The following GALNT17 variants were observed in gnomAD, a reference collection of about 807,000 sequenced individuals.
GALNT17 encodes the protein UDP-GalNAc:polypeptide N-acetylgalactosaminyltransferase-like 3.
In GALNT17, 29 loss-of-function variants were observed where a neutral mutation model predicts 63.7. The observed-to-expected ratio is 0.46, with a 90% CI of 0.34 to 0.62. The LOEUF (loss-of-function observed/expected upper bound fraction) is 0.62. Ranked by LOEUF, GALNT17 falls within the 20% of genes least tolerant of loss-of-function variation. The probability of loss-of-function intolerance (pLI) is 0.01; values close to 1 mark genes in which losing one functional copy is unlikely to be tolerated. For synonymous variants in GALNT17, 305 were observed against 318.3 expected (o/e 0.96, Z 0.45); for missense variants, 603 against 799.6 (o/e 0.75, Z 2.97).
At chr7:71,360,504 G>A (rs916932272) in intron 2 of GALNT17, among the ~76,000 whole-genome samples, 4 of 152,194 alleles carry the variant, frequency 2.6e-5, no homozygotes, top group Admixed American at 6.5e-5. Context: ...TACAAGCCAC[G>A]ACAAACTGGC....
chr7:71,608,530 A>G (rs530028198), intron 6 of GALNT17, among the ~76,000 whole-genome samples: 1 of 152,320 alleles, frequency 6.6e-6, no homozygotes, highest in East Asian at 1.9e-4. Flanking sequence ...GTACCATCAT[A>G]TAATTTTGAG....
At chr7:71,583,122 G>C (rs1423934341) in intron 6 of GALNT17, among the ~76,000 whole-genome samples, 3 of 152,098 alleles carry the variant, frequency 2.0e-5, no homozygotes, top group Non-Finnish European at 4.4e-5. Context: ...GCCAGTATGT[G>C]GGTTTCTGAA....
chr7:71,410,040 A>G (rs1180257640), intron 3 of GALNT17, among the ~76,000 whole-genome samples: 2 of 152,138 alleles, frequency 1.3e-5, no homozygotes, highest in African/African-American at 4.8e-5. Flanking sequence ...GAATATCTCA[A>G]AGGGAAAACT....
At chr7:71,165,970 A>G (rs1425200722) in intron 1 of GALNT17, among the ~76,000 whole-genome samples, 1 of 150,838 alleles carries the variant, frequency 6.6e-6, no homozygotes, top group African/African-American at 2.4e-5. Flanking sequence ...TCCTCCTTAA[A>G]CTCTCTTCAC....
At chr7:71,268,884 ATGGCTTC>A (rs1790537631) in intron 1 of GALNT17, among the ~76,000 whole-genome samples, 1 of 152,096 alleles carries the variant, frequency 6.6e-6, no homozygotes, top group Non-Finnish European at 1.5e-5. Flanking sequence ...AGTGGCCTAC[ATGGCTTC>A]TTCTAGCATG....
chr7:71,164,980 A>T (rs1161235572), intron 1 of GALNT17, among the ~76,000 whole-genome samples: 1 of 152,228 alleles, frequency 6.6e-6, no homozygotes, highest in African/African-American at 2.4e-5. Context: ...AGTCTCTGAA[A>T]GAAATCAATA....
chr7:71,531,728 T>G (rs978333835), intron 5 of GALNT17, among the ~76,000 whole-genome samples: 1 of 152,182 alleles, frequency 6.6e-6, no homozygotes, highest in Non-Finnish European at 1.5e-5. Flanking sequence ...TAGCTGGGAC[T>G]ACAGGCATGT....
At position 71,639,714 on chromosome 7, in the gene GALNT17, A is replaced by G. The variant is rs987205903; in HGVS notation, c.1081-25697A>G. On this transcript the variant is annotated intron_variant, in intron 6 of 10. Coordinates refer to ENST00000333538, the MANE Select transcript of GALNT17 (RefSeq NM_022479.3). ...GCTGTGCGAACATGCACAAAATCCT[A>G]TTATCTACTGTATATATTGAAAAGC... 2.6e-5 allele frequency among the ~76,000 whole-genome samples: 4 copies of G among 152,160 alleles called. No homozygotes were observed. In the East Asian group the frequency reaches 5.8e-4, roughly 22 times the overall value.
intron 1 of GALNT17, among the ~76,000 whole-genome samples, chr7:71,275,591 G>T (rs772418976): frequency 9.2e-5 from 14 of 152,170 alleles, no homozygotes; most frequent in African/African-American, 3.4e-4. Flanking sequence ...ACAGCTCAGC[G>T]CCTGTCACAT....
chr7:71,189,659 G>C (rs1399966555), intron 1 of GALNT17, among the ~76,000 whole-genome samples: 3 of 152,112 alleles, frequency 2.0e-5, no homozygotes. Context: ...GGTCCTTTAA[G>C]GGCTGTCTTC....
At chr7:71,460,233 CACA>C (rs1484646369) in intron 5 of GALNT17, among the ~76,000 whole-genome samples, 1 of 152,128 alleles carries the variant, frequency 6.6e-6, no homozygotes, top group Non-Finnish European at 1.5e-5. Context: ...CCAAACTTAA[CACA>C]ACAATATGTC....
chr7:71,495,443 C>T (rs1385430412), intron 5 of GALNT17, among the ~76,000 whole-genome samples: 1 of 152,188 alleles, frequency 6.6e-6, no homozygotes, highest in African/African-American at 2.4e-5. Flanking sequence ...CTGCTAACAT[C>T]TGTCTATGGA....
intron 5 of GALNT17, among the ~76,000 whole-genome samples, chr7:71,453,625 T>A (rs1787305792): frequency 6.6e-6 from 1 of 152,134 alleles, no homozygotes; most frequent in East Asian, 1.9e-4. Context: ...AAGATGAGAT[T>A]TGGGAGGGGA....
At chr7:71,214,964 T>C (rs1243562914) in intron 1 of GALNT17, among the ~76,000 whole-genome samples, 1 of 152,226 alleles carries the variant, frequency 6.6e-6, no homozygotes, top group Non-Finnish European at 1.5e-5. Context: ...TTCATTGAAT[T>C]CTACTTGATT....
At chr7:71,361,658 A>T (rs1369285100) in intron 2 of GALNT17, among the ~76,000 whole-genome samples, 2 of 152,174 alleles carry the variant, frequency 1.3e-5, no homozygotes, top group African/African-American at 4.8e-5. Flanking sequence ...AATAGCTGTG[A>T]TGTTGAGTTT....
chr7:71,231,193 G>C (rs1789781621), intron 1 of GALNT17, among the ~76,000 whole-genome samples: 1 of 150,722 alleles, frequency 6.6e-6, no homozygotes, highest in Non-Finnish European at 1.5e-5. Context: ...AATTTCATCT[G>C]TCCATGGTTC....
At chr7:71,703,775 G>T (rs1791685525) in intron 9 of GALNT17, among the ~76,000 whole-genome samples, 1 of 152,162 alleles carries the variant, frequency 6.6e-6, no homozygotes, top group Non-Finnish European at 1.5e-5. Context: ...ATGAAAGAAA[G>T]GAGTGAATAA....
rs531401761 is a variant in GALNT17 at position 71,532,357 on chromosome 7, C to G, written c.963-38928C>G. Among the ~76,000 whole-genome samples the G allele has an allele frequency of 5.9e-5, 9 of 152,154 alleles. 1 individual carries two copies. Among genetic ancestry groups the G allele is most frequent in the African/African-American group, 2.2e-4 (9 of 41,504 alleles). ...GACTTCTTGCCCCAGTATCACAGTT[C>G]AAGGTGTAGAAAGATGGGCTTGGAG... is the stretch of plus-strand genomic sequence containing the variant. On this transcript the variant is annotated intron_variant, in intron 5 of 10. Transcript: ENST00000333538.
chr7:71,554,357 C>T (rs1012986994), intron 5 of GALNT17, among the ~76,000 whole-genome samples: 1 of 152,158 alleles, frequency 6.6e-6, no homozygotes, highest in Non-Finnish European at 1.5e-5. Flanking sequence ...CCATGTAAGA[C>T]GTGACTTTGT....
Sources: allele counts gnomAD v4.1 joint callset (sites outside exome capture counted in the v4.1 genomes callset), GRCh38; gene constraint gnomAD v4.1.1; transcripts MANE v1.5; gene names NCBI Gene and HGNC (gene_info 2026-07-23, HGNC 2026-07-21).